Variants in SLX4IP observed in about 807,000 individuals in gnomAD.
The protein encoded by SLX4IP is protein SLX4IP.
Under a neutral mutation model 32.9 loss-of-function variants are expected in SLX4IP, and 34 were observed. That is an observed-to-expected ratio of 1.03 (90% confidence interval 0.79 to 1.38). The LOEUF (loss-of-function observed/expected upper bound fraction) is 1.38, where lower values mean the gene tolerates loss of function less well. SLX4IP is among the 40% of genes most tolerant of loss of function. The pLI is 0.00. For missense variants in SLX4IP, 444 were observed against 479.0 expected (o/e 0.93, Z 0.68); for synonymous variants, 172 against 171.7 (o/e 1.00, Z -0.01).
chr20:10,547,529 A>G (rs1049803344), intron 2 of SLX4IP, among the ~76,000 whole-genome samples: 1 of 152,224 alleles, frequency 6.6e-6, no homozygotes, highest in African/African-American at 2.4e-5. Context: ...GCAACCAAGG[A>G]AGTTTCCTTT....
intron 2 of SLX4IP, among the ~76,000 whole-genome samples, chr20:10,540,096 T>TTCCTTTCC (rs1380282080): frequency 0.059 from 6,528 of 111,450 alleles, 238 homozygotes; most frequent in Middle Eastern, 0.073. Flanking sequence ...CCTTCCTTCC[T>TTCCTTTCC]TTCCTTCCTT....
intron 4 of SLX4IP, among the ~76,000 whole-genome samples, chr20:10,580,380 T>G (rs2066570621): frequency 6.6e-6 from 1 of 152,036 alleles, no homozygotes; most frequent in Non-Finnish European, 1.5e-5. Flanking sequence ...GCCCTCCGCT[T>G]CTCAGTCCCA....
At chr20:10,479,762 T>G (rs1255331577) in intron 2 of SLX4IP, among the ~76,000 whole-genome samples, 6 of 151,486 alleles carry the variant, frequency 4.0e-5, no homozygotes, top group African/African-American at 1.5e-4. Context: ...TCCCAGCACT[T>G]TGGAAGGCTG....
At chr20:10,556,418 A>G in intron 3 of SLX4IP, 98 bp downstream of exon 3, 1 of 1,190,496 alleles carries the variant, frequency 8.4e-7, no homozygotes, top group Non-Finnish European at 1.2e-6. Context: ...TGGGAAAAAA[A>G]TGTTGCGTAT....
intron 2 of SLX4IP, among the ~76,000 whole-genome samples, chr20:10,514,741 G>A (rs1231469034): frequency 6.6e-6 from 1 of 152,194 alleles, no homozygotes; most frequent in Non-Finnish European, 1.5e-5. Context: ...AGCATATTGT[G>A]AAAGTAGTTT....
rs552765416 is a variant in SLX4IP, at chr20:10,462,005, C to T, written c.27+3774C>T. ...CTCAGAGCGAAAAAGGAAGGTATTA[C>T]ATATAACCACAAAACAAGGTTAGGA... On this transcript the variant is annotated intron_variant, in intron 2 of 7. Transcript: ENST00000334534. Among the ~76,000 whole-genome samples, 166 of 152,166 alleles carry T rather than the reference C, an allele frequency of 1.1e-3. 1 individual carries two copies. The highest frequency in any genetic ancestry group is 3.6e-3 in the African/African-American group (149 of 41,494).
At chr20:10,539,198 A>G (rs1003870808) in intron 2 of SLX4IP, among the ~76,000 whole-genome samples, 1 of 152,220 alleles carries the variant, frequency 6.6e-6, no homozygotes, top group African/African-American at 2.4e-5. Flanking sequence ...GAAAAGTAGA[A>G]TCTGATTTAG....
At chr20:10,486,678 C>T (rs1368809992) in intron 2 of SLX4IP, among the ~76,000 whole-genome samples, 1 of 152,134 alleles carries the variant, frequency 6.6e-6, no homozygotes, top group African/African-American at 2.4e-5. Flanking sequence ...TTTATATCTT[C>T]TCTGGGATAA....
intron 2 of SLX4IP, among the ~76,000 whole-genome samples, chr20:10,516,470 T>C (rs55791383): frequency 0.57 from 87,232 of 152,016 alleles, 25,653 homozygotes; most frequent in South Asian, 0.72. Flanking sequence ...ATAAACTGAA[T>C]CTTAGGCTGT....
chr20:10,474,524 A>C (rs1366667303), intron 2 of SLX4IP, among the ~76,000 whole-genome samples: 2 of 150,094 alleles, frequency 1.3e-5, no homozygotes, highest in African/African-American at 4.9e-5. Context: ...TTAGGTATTG[A>C]TGTCCTCCAT....
intron 4 of SLX4IP, among the ~76,000 whole-genome samples, chr20:10,567,231 C>A (rs948427492): frequency 1.3e-5 from 2 of 152,156 alleles, no homozygotes; most frequent in East Asian, 1.9e-4. Context: ...ATTATAAGAA[C>A]CTCTCCTGAA....
chr20:10,549,243 T>C (rs2066194472), intron 2 of SLX4IP, among the ~76,000 whole-genome samples: 1 of 152,174 alleles, frequency 6.6e-6, no homozygotes, highest in Admixed American at 6.5e-5. Flanking sequence ...ACCTTTTCTT[T>C]TCCCTAACCA....
chr20:10,475,768 A>C (rs6039966), intron 2 of SLX4IP, among the ~76,000 whole-genome samples: 30 of 152,334 alleles, frequency 2.0e-4, no homozygotes, highest in African/African-American at 7.0e-4. Flanking sequence ...CGATTGTGGC[A>C]CGGGGCAGTG....
rs867771286 is a variant in SLX4IP at position 10,593,487 on chromosome 20, C to T, written c.239-5188C>T. Among the ~76,000 whole-genome samples the T allele has an allele frequency of 7.2e-5, 11 of 152,216 alleles. No homozygotes were observed. The South Asian group carries it at 1.2e-3, about 17-fold the overall frequency. On this transcript the variant is annotated intron_variant, in intron 4 of 7. Transcript: ENST00000334534. ...CAGTGGCTCACACCTGTAATCTCAG[C>T]ATTTTGGGAGGTCCAGGCAGCAGGA... is the stretch of plus-strand genomic sequence containing the variant.
chr20:10,557,517 C>T (rs1413608721), intron 3 of SLX4IP, among the ~76,000 whole-genome samples: 1 of 152,150 alleles, frequency 6.6e-6, no homozygotes, highest in African/African-American at 2.4e-5. Flanking sequence ...CATATAATTC[C>T]ACTCCTAGCT....
At chr20:10,594,007 C>T (rs964393854) in intron 4 of SLX4IP, among the ~76,000 whole-genome samples, 2 of 152,106 alleles carry the variant, frequency 1.3e-5, no homozygotes, top group Admixed American at 6.5e-5. Flanking sequence ...ATAATAGTGT[C>T]GTGGTGATGA....
chr20:10,515,698 AC>A lies in SLX4IP; in HGVS notation c.28-40532del, dbSNP rs371598429. Among the ~76,000 whole-genome samples, 60 of 152,334 alleles carry A rather than the reference AC, an allele frequency of 3.9e-4. No homozygotes were observed. In the South Asian group the frequency reaches 8.9e-3, roughly 23 times the overall value. On this transcript the variant is annotated intron_variant, in intron 2 of 7. Coordinates refer to ENST00000334534, the MANE Select transcript of SLX4IP (RefSeq NM_001009608.3). Reference sequence around the variant, plus strand: ...GGCATAAGCATAGCTCATTTAGTTCACTAGCCTGAATATTCTATCTGAATGG... The same window carrying A: ...GGCATAAGCATAGCTCATTTAGTTCATAGCCTGAATATTCTATCTGAATGG...
At chr20:10,484,913 C>A (rs904224889) in intron 2 of SLX4IP, among the ~76,000 whole-genome samples, 2 of 151,806 alleles carry the variant, frequency 1.3e-5, no homozygotes, top group African/African-American at 4.8e-5. Context: ...GAATTCCTGA[C>A]AAAGAACAGA....
intron 6 of SLX4IP, among the ~76,000 whole-genome samples, chr20:10,612,356 T>A (rs942290845): frequency 3.3e-5 from 5 of 152,096 alleles, no homozygotes; most frequent in Non-Finnish European, 7.4e-5. Context: ...TAGACTCCAC[T>A]CCGTTTCACC....
Sources: gnomAD v4.1 joint callset for allele counts (sites outside exome capture counted in the v4.1 genomes callset) on GRCh38, gnomAD v4.1.1 for gene constraint, MANE v1.5 for transcripts, NCBI Gene and HGNC (gene_info 2026-07-23, HGNC 2026-07-21) for gene names.